DIP2B: variants seen among roughly 807,000 people sequenced by gnomAD.
DIP2B encodes the protein DIP2 acetate--CoA ligase B (putative).
In DIP2B, 76 loss-of-function variants were observed where a neutral mutation model predicts 198.0. That is an observed-to-expected ratio of 0.38 (90% CI 0.32 to 0.46). DIP2B has a LOEUF of 0.46. Among genes scored for constraint, DIP2B ranks in the 20% least tolerant of loss-of-function variants. The pLI is 0.99. For missense variants in DIP2B, 1,559 were observed against 1,978.4 expected (o/e 0.79, Z 4.02); for synonymous variants, 701 against 739.1 (o/e 0.95, Z 0.84).
intron 1 of DIP2B, among the ~76,000 whole-genome samples, chr12:50,612,206 G>C (rs371768879): frequency 6.6e-6 from 1 of 151,972 alleles, no homozygotes; most frequent in Non-Finnish European, 1.5e-5. Context: ...GTGATTGCAC[G>C]ACTGCACTCC....
intron 21 of DIP2B, among the ~76,000 whole-genome samples, chr12:50,708,226 A>C (rs1384792943): frequency 6.6e-6 from 1 of 152,172 alleles, no homozygotes; most frequent in Non-Finnish European, 1.5e-5. Context: ...ACTTTGTCTT[A>C]TTTACCACTA....
At chr12:50,670,955 G>A (rs1938841805) in intron 4 of DIP2B, among the ~76,000 whole-genome samples, 2 of 152,158 alleles carry the variant, frequency 1.3e-5, no homozygotes. Context: ...TTTTGAAAGA[G>A]TTTAAAAGAA....
intron 1 of DIP2B, among the ~76,000 whole-genome samples, chr12:50,562,705 C>CCAGACTG (rs1958529882): frequency 6.6e-6 from 1 of 151,494 alleles, no homozygotes; most frequent in Non-Finnish European, 1.5e-5. Context: ...CCACTGCACT[C>CCAGACTG]CAGACTGGGT....
chr12:50,563,839 C>G (rs996191509), intron 1 of DIP2B, among the ~76,000 whole-genome samples: 8 of 151,422 alleles, frequency 5.3e-5, no homozygotes, highest in African/African-American at 1.7e-4. Context: ...ACCTTAACTT[C>G]TTTGATCCTT....
In DIP2B at chr12:50,538,618, C is replaced by T. The variant is rs530765581; in HGVS notation, c.100+33378C>T. On this transcript the variant is annotated intron_variant, in intron 1 of 37. Coordinates refer to ENST00000301180, the MANE Select transcript of DIP2B (RefSeq NM_173602.3). The stretch of plus-strand genomic sequence containing the variant: ...TACCCATTTCTTGTACTCTTTTCTT[C>T]CTGAGTTTTTTTTTGTAATAATATT... 1.2e-3 allele frequency among the ~76,000 whole-genome samples: 187 copies of T among 150,562 alleles called. 1 individual carries two copies. The highest frequency in any genetic ancestry group is 4.3e-3 in the African/African-American group (177 of 41,310).
chr12:50,568,846 G>A (rs1192485000), intron 1 of DIP2B, among the ~76,000 whole-genome samples: 2 of 152,126 alleles, frequency 1.3e-5, no homozygotes, highest in South Asian at 2.1e-4. Flanking sequence ...CAAAAAAGTT[G>A]CAGGAACCAA....
At chr12:50,733,241 AT>A (rs11340146) in intron 32 of DIP2B, among the ~76,000 whole-genome samples, 137,289 of 143,548 alleles carry the variant, frequency 0.96, 65,906 homozygotes, top group South Asian at 1. Flanking sequence ...ATTCTATACC[AT>A]TTTTTTTCTT....
intron 1 of DIP2B, among the ~76,000 whole-genome samples, chr12:50,569,735 A>G (rs773280147): frequency 6.6e-6 from 1 of 152,168 alleles, no homozygotes; most frequent in Non-Finnish European, 1.5e-5. Context: ...AATAAACTAT[A>G]ATGATTATCT....
At chr12:50,590,534 T>C (rs1259978392) in intron 1 of DIP2B, among the ~76,000 whole-genome samples, 1 of 152,102 alleles carries the variant, frequency 6.6e-6, no homozygotes, top group Admixed American at 6.6e-5. Flanking sequence ...CATGCCCAGC[T>C]AATTTTTGTA....
intron 1 of DIP2B, among the ~76,000 whole-genome samples, chr12:50,621,416 G>C (rs118132335): frequency 5.3e-4 from 78 of 148,144 alleles, no homozygotes; most frequent in Non-Finnish European, 9.5e-4. Flanking sequence ...TTCAGCTCTT[G>C]CTAAAGAACT....
At chr12:50,525,546 T>G (rs1239849041) in intron 1 of DIP2B, among the ~76,000 whole-genome samples, 2 of 144,432 alleles carry the variant, frequency 1.4e-5, no homozygotes, top group Non-Finnish European at 3.0e-5. Flanking sequence ...AGAGTCTCAC[T>G]CTCTCATCCA....
chr12:50,578,376 A>T (rs1958682280), intron 1 of DIP2B, among the ~76,000 whole-genome samples: 1 of 151,624 alleles, frequency 6.6e-6, no homozygotes, highest in Non-Finnish European at 1.5e-5. Flanking sequence ...TTTGAAGATT[A>T]TGTGTTGGTT....
chr12:50,649,731 C>T (rs886525757), intron 3 of DIP2B, among the ~76,000 whole-genome samples: 5 of 152,116 alleles, frequency 3.3e-5, no homozygotes, highest in Admixed American at 3.3e-4. Context: ...TGATGAGTGC[C>T]TGTAGTCCCA....
chr12:50,517,788 A>G (rs375709596), intron 1 of DIP2B, among the ~76,000 whole-genome samples: 1 of 152,124 alleles, frequency 6.6e-6, no homozygotes, highest in East Asian at 1.9e-4. Context: ...TTTTGTATAC[A>G]TTGCCATTCT....
chr12:50,701,682 C>A (rs1156556625), intron 19 of DIP2B, among the ~76,000 whole-genome samples: 1 of 151,872 alleles, frequency 6.6e-6, no homozygotes, highest in African/African-American at 2.4e-5. Flanking sequence ...CCACACCAGG[C>A]CAAGATCTAG....
chr12:50,548,521 TTTAA>T (rs1958396663), intron 1 of DIP2B, among the ~76,000 whole-genome samples: 1 of 152,150 alleles, frequency 6.6e-6, no homozygotes, highest in Admixed American at 6.5e-5. Context: ...TTATTTATTT[TTTAA>T]TTAATTTTTT....
rs141853048 is a variant in DIP2B, at chr12:50,518,430, G to A, written c.100+13190G>A. 8.1e-4 allele frequency among the ~76,000 whole-genome samples: 123 copies of A among 152,178 alleles called. 2 individuals carry two copies. Among genetic ancestry groups the A allele is most frequent in the African/African-American group, 2.8e-3 (115 of 41,514 alleles). Reference sequence around the variant, plus strand: ...GTAGAGATGGACTTTCACCATGTTGGCCAGGCTGACCTCAAGTGATCGCCC... The same window carrying A: ...GTAGAGATGGACTTTCACCATGTTGACCAGGCTGACCTCAAGTGATCGCCC... On this transcript the variant is annotated intron_variant, in intron 1 of 37. Coordinates refer to ENST00000301180, the MANE Select transcript of DIP2B (RefSeq NM_173602.3).
In DIP2B at chr12:50,611,703, C is replaced by G. The variant is rs181795065; in HGVS notation, c.101-14273C>G. Reference sequence around the variant, plus strand: ...TAGATCCCTTCAGTCGCTCTTTCACCCCTGAACTTCCACCACCACCATGTC... The same window carrying G: ...TAGATCCCTTCAGTCGCTCTTTCACGCCTGAACTTCCACCACCACCATGTC... On this transcript the variant is annotated intron_variant, in intron 1 of 37. Coordinates refer to ENST00000301180, the MANE Select transcript of DIP2B (RefSeq NM_173602.3). Among the ~76,000 whole-genome samples the G allele has an allele frequency of 1.1e-3, 174 of 152,138 alleles. 2 individuals carry two copies. The highest frequency in any genetic ancestry group is 5.0e-4 in the Non-Finnish European group (34 of 68,002).
intron 4 of DIP2B, among the ~76,000 whole-genome samples, chr12:50,665,681 A>T (rs1015513626): frequency 6.6e-6 from 1 of 151,920 alleles, no homozygotes; most frequent in Non-Finnish European, 1.5e-5. Flanking sequence ...GCCACTCAGG[A>T]GGCTGAGGTG....
Sources: allele counts gnomAD v4.1 joint callset (sites outside exome capture counted in the v4.1 genomes callset), GRCh38; gene constraint gnomAD v4.1.1; transcripts MANE v1.5; gene names NCBI Gene and HGNC (gene_info 2026-07-23, HGNC 2026-07-21).